The following IL1RAPL1 variants were observed in gnomAD, a reference collection of about 807,000 sequenced individuals.
IL1RAPL1 encodes interleukin-1 receptor accessory protein-like 1.
In IL1RAPL1, 3 loss-of-function variants were observed where a neutral mutation model predicts 48.4. The ratio of observed to expected loss-of-function variants is 0.06; its 90% CI spans 0.03 to 0.16. The LOEUF (loss-of-function observed/expected upper bound fraction) is 0.16. Among genes scored for constraint, IL1RAPL1 ranks in the 10% least tolerant of loss-of-function variants. IL1RAPL1 has a pLI of 1.00. For missense variants in IL1RAPL1, 349 were observed against 530.6 expected, an observed-to-expected ratio of 0.66 and a Z score of 3.36; for synonymous variants, 185 against 187.7, an observed-to-expected ratio of 0.99 and a Z score of 0.12.
At chrX:28,788,731 G>A (rs772652024) in intron 1 of IL1RAPL1, among the ~76,000 whole-genome samples, 221 of 109,313 alleles carry the variant, frequency 2.0e-3, no homozygotes, top group African/African-American at 7.3e-3. Flanking sequence ...GCCTCCCAAA[G>A]TGCTGAGATT....
intron 6 of IL1RAPL1, among the ~76,000 whole-genome samples, chrX:29,706,870 C>T (rs1467827974): frequency 1.8e-5 from 2 of 111,661 alleles, no homozygotes; most frequent in Non-Finnish European, 3.8e-5. Context: ...CCCTTCTAGA[C>T]ATTGGCTTAG....
At chrX:29,484,542 T>C (rs1468175962) in intron 5 of IL1RAPL1, among the ~76,000 whole-genome samples, 1 of 111,844 alleles carries the variant, frequency 8.9e-6, no homozygotes, top group African/African-American at 3.3e-5. Context: ...ACATGAAGAC[T>C]GATGCAACAA....
intron 6 of IL1RAPL1, among the ~76,000 whole-genome samples, chrX:29,830,449 C>CTTT (rs201355062): frequency 2.1e-5 from 2 of 97,321 alleles, no homozygotes; most frequent in African/African-American, 7.4e-5. Context: ...AATTCTGACT[C>CTTT]TTTTTTTTTT....
chrX:29,883,684 C>T (rs915162298), intron 6 of IL1RAPL1, among the ~76,000 whole-genome samples: 2 of 111,261 alleles, frequency 1.8e-5, no homozygotes, highest in Non-Finnish European at 3.8e-5. Flanking sequence ...CTCTATTTGT[C>T]AATGGGAAAA....
At chrX:28,676,626 G>A (rs984537701) in intron 1 of IL1RAPL1, among the ~76,000 whole-genome samples, 15 of 109,578 alleles carry the variant, frequency 1.4e-4, no homozygotes, top group Admixed American at 2.9e-4. Context: ...TCAGCTACTC[G>A]GGAGGCTGAG....
intron 5 of IL1RAPL1, among the ~76,000 whole-genome samples, chrX:29,609,390 C>T (rs1249988415): frequency 8.9e-6 from 1 of 112,156 alleles, no homozygotes; most frequent in Non-Finnish European, 1.9e-5. Flanking sequence ...CTCCCTTATA[C>T]ACAAACTTCC....
At position 29,955,703 on chromosome X, in the gene IL1RAPL1, C is replaced by T. The variant is rs746058514; in HGVS notation, c.1974C>T (p.Asn658=). ...TYCNIPMTLI[N]GQRPQTKSSR... ...GTAACATCCCTATGACACTCATCAACGGGCAGCGGCCACAGACAAAATCGA... is the reference window on the plus strand; with the variant it reads ...GTAACATCCCTATGACACTCATCAATGGGCAGCGGCCACAGACAAAATCGA... Residue 658 remains asparagine (N), a synonymous_variant, in exon 11 of 11, where the codon AAC becomes AAT. Transcript: ENST00000378993. The T allele has an allele frequency of 7.4e-6, 9 of 1,209,522 alleles. No homozygotes were observed. Among genetic ancestry groups the T allele is most frequent in the Non-Finnish European group, 1.0e-5 (9 of 894,877 alleles).
chrX:29,342,743 GC>G (rs1933099796), intron 3 of IL1RAPL1, among the ~76,000 whole-genome samples: 1 of 111,977 alleles, frequency 8.9e-6, no homozygotes, highest in African/African-American at 3.2e-5. Flanking sequence ...TAGACTGCAG[GC>G]TAGTATCACC....
chrX:29,516,010 G>A (rs751249167), intron 5 of IL1RAPL1, among the ~76,000 whole-genome samples: 2 of 111,736 alleles, frequency 1.8e-5, no homozygotes, highest in African/African-American at 6.5e-5. Flanking sequence ...TAAATTCAAA[G>A]GTGATATGAT....
chrX:29,391,748 A>G (rs1397642440), intron 3 of IL1RAPL1, among the ~76,000 whole-genome samples: 3 of 111,752 alleles, frequency 2.7e-5, no homozygotes, highest in African/African-American at 9.8e-5. Flanking sequence ...ATCTATATCT[A>G]TTATCATCTA....
intron 1 of IL1RAPL1, among the ~76,000 whole-genome samples, chrX:28,638,843 G>T (rs765192009): frequency 9.0e-6 from 1 of 110,787 alleles, no homozygotes; most frequent in South Asian, 3.8e-4. Flanking sequence ...CACTAAAAAG[G>T]GTCCTCCAGG....
chrX:29,909,169 G>A (rs777898528), intron 6 of IL1RAPL1, among the ~76,000 whole-genome samples: 1 of 111,566 alleles, frequency 9.0e-6, no homozygotes, highest in African/African-American at 3.3e-5. Flanking sequence ...AAGCCCAGAA[G>A]TTTGAGACTA....
At chrX:29,488,169 G>A (rs764915011) in intron 5 of IL1RAPL1, among the ~76,000 whole-genome samples, 1 of 112,572 alleles carries the variant, frequency 8.9e-6, no homozygotes, top group South Asian at 3.6e-4. Context: ...GCGGAGCATG[G>A]TGGCTCACGC....
At chrX:28,775,780 A>G (rs1423542426) in intron 1 of IL1RAPL1, among the ~76,000 whole-genome samples, 1 of 112,382 alleles carries the variant, frequency 8.9e-6, no homozygotes, top group Non-Finnish European at 1.9e-5. Flanking sequence ...TTTATGTTGT[A>G]CAACTATGCC....
intron 5 of IL1RAPL1, among the ~76,000 whole-genome samples, chrX:29,664,187 G>A (rs1295148068): frequency 2.7e-5 from 3 of 111,475 alleles, no homozygotes; most frequent in African/African-American, 9.8e-5. Flanking sequence ...GGCGGATCAC[G>A]AGGTCAGGAG....
At chrX:29,801,087 T>G (rs1245568978) in intron 6 of IL1RAPL1, among the ~76,000 whole-genome samples, 1 of 66,072 alleles carries the variant, frequency 1.5e-5, no homozygotes, top group Non-Finnish European at 3.0e-5. Context: ...AAAACTCATC[T>G]TTTAATGTTA....
intron 1 of IL1RAPL1, among the ~76,000 whole-genome samples, chrX:28,724,337 A>G (rs951449726): frequency 1.8e-5 from 2 of 111,325 alleles, no homozygotes; most frequent in African/African-American, 6.6e-5. Context: ...TGATCCCTTT[A>G]CCATTATGTA....
chrX:29,302,143 T>C (rs1238823752), intron 3 of IL1RAPL1, among the ~76,000 whole-genome samples: 1 of 112,014 alleles, frequency 8.9e-6, no homozygotes, highest in African/African-American at 3.2e-5. Context: ...CAGGATGGCC[T>C]AAATGTCGCA....
At position 29,029,941 on chromosome X, in the gene IL1RAPL1, C is replaced by CT. The variant is rs768468902; in HGVS notation, c.82+240531dup. ...ATGGTATAAAGTCTTTATCGAGATT[C>CT]TTTTTTTTTTTTTTTGGCTTGTGGA... On this transcript the variant is annotated intron_variant, in intron 2 of 10. Coordinates refer to ENST00000378993, the MANE Select transcript of IL1RAPL1 (RefSeq NM_014271.4). Among the ~76,000 whole-genome samples the CT allele has an allele frequency of 4.1e-3, 365 of 88,306 alleles. 1 individual carries two copies. Among genetic ancestry groups the CT allele is most frequent in the East Asian group, 0.01 (29 of 2,842 alleles). The allele number at this position is 88,306 out of a possible 115,157, so 76.7% of individuals were successfully genotyped here. A position where few individuals can be genotyped will look rare whatever the true frequency, so the allele number is the denominator to read the frequency against.
Sources: allele counts gnomAD v4.1 joint callset (sites outside exome capture counted in the v4.1 genomes callset), GRCh38; gene constraint gnomAD v4.1.1; transcripts MANE v1.5; gene names NCBI Gene and HGNC (gene_info 2026-07-23, HGNC 2026-07-21).